PIK3CB: variants seen among roughly 807,000 people sequenced by gnomAD.
PIK3CB encodes the protein phosphatidylinositol-4,5-bisphosphate 3-kinase catalytic subunit beta.
PIK3CB carries 39 observed loss-of-function variants against 136.8 expected under a neutral mutation model. The ratio of observed to expected loss-of-function variants is 0.29; its 90% confidence interval spans 0.22 to 0.37. The LOEUF is 0.37. Ranked by LOEUF, PIK3CB falls within the 10% of genes least tolerant of loss-of-function variation. The probability of loss-of-function intolerance (pLI) is 1.00; values close to 1 mark genes in which losing one functional copy is unlikely to be tolerated. For synonymous variants in PIK3CB, 428 were observed against 436.6 expected, an observed-to-expected ratio of 0.98 and a Z score of 0.25; for missense variants, 868 against 1,275.4, an observed-to-expected ratio of 0.68 and a Z score of 4.87.
chr3:138,747,647 T>C (rs941477184), intron 4 of PIK3CB, among the ~76,000 whole-genome samples: 10 of 152,186 alleles, frequency 6.6e-5, no homozygotes, highest in African/African-American at 2.2e-4. Flanking sequence ...CTTTTTATAA[T>C]AGATTTATGT....
chr3:138,733,009 T>A (rs1408355417), intron 8 of PIK3CB, among the ~76,000 whole-genome samples: 2 of 151,378 alleles, frequency 1.3e-5, no homozygotes, highest in Middle Eastern at 6.4e-3. Flanking sequence ...CCAAGATAAC[T>A]CTACTTTGCA....
chr3:138,808,859 A>T lies in PIK3CB; in HGVS notation c.-121-12292T>A, dbSNP rs1340532663. On this transcript the variant is annotated intron_variant, in intron 1 of 23. Transcript: ENST00000674063. ...TATAACATATACTAATACATTTTAT[A>T]TATTTAAAAGTATTTATTTCTGCTG... Among the ~76,000 whole-genome samples, 3 of 151,828 alleles carry T rather than the reference A, an allele frequency of 2.0e-5. No individual in the cohort carries two copies. In the East Asian group the frequency reaches 5.8e-4, roughly 29 times the overall value.
At chr3:138,728,835 G>A (rs2044902466) in intron 8 of PIK3CB, among the ~76,000 whole-genome samples, 2 of 151,436 alleles carry the variant, frequency 1.3e-5, no homozygotes, top group Admixed American at 6.6e-5. Flanking sequence ...CTCAAAAAAT[G>A]CAGAAAAAGT....
intron 1 of PIK3CB, among the ~76,000 whole-genome samples, chr3:138,832,688 G>A (rs1226194764): frequency 6.6e-6 from 1 of 152,042 alleles, no homozygotes; most frequent in Non-Finnish European, 1.5e-5. Context: ...AATTAGCCGC[G>A]TGTGGTGGCA....
At chr3:138,825,838 G>A in intron 1 of PIK3CB, 1 of 1,219,146 alleles carries the variant, frequency 8.2e-7, no homozygotes, top group Non-Finnish European at 1.2e-6. Flanking sequence ...ATGAAGCTTT[G>A]GGTGAAGCTC....
chr3:138,737,862 G>T lies in PIK3CB; in HGVS notation c.646C>A (p.Pro216Thr). 6.2e-7 allele frequency: 1 copy of T among 1,602,678 alleles called. No homozygotes were observed. Among genetic ancestry groups the T allele is most frequent in the Non-Finnish European group, 8.5e-7 (1 of 1,173,904 alleles). ...CQDVFSFQVS[P>T]NMNPIKVNEL... is the part of the protein sequence containing the mutation. ...TTTACTTTGATAGGATTCATATTAG[G>T]AGACACTTGAAAGCTAAACACGTCC... Residue 216 changes from proline (P) to threonine (T), a missense_variant, in exon 6 of 24, where the codon CCT becomes ACT. Around this residue, in one of 4 missense-constraint regions of PIK3CB, gnomAD observed 612 missense variants for 801.1 expected, o/e 0.76. Coordinates refer to ENST00000674063, the MANE Select transcript of PIK3CB (RefSeq NM_006219.3).
chr3:138,711,256 C>T (rs996338558), intron 10 of PIK3CB, among the ~76,000 whole-genome samples: 6 of 150,070 alleles, frequency 4.0e-5, no homozygotes, highest in Non-Finnish European at 8.9e-5. Context: ...ATGCTGAAAG[C>T]AACACACATT....
intron 14 of PIK3CB, 48 bp downstream of exon 14, chr3:138,694,738 C>T (rs1436039066): frequency 6.3e-7 from 1 of 1,596,640 alleles, no homozygotes; most frequent in Admixed American, 1.7e-5. Context: ...CATCCCAAAC[C>T]CACCCAAGTT....
intron 5 of PIK3CB, among the ~76,000 whole-genome samples, chr3:138,741,654 C>T (rs11709841): frequency 0.15 from 22,450 of 151,900 alleles, 2,228 homozygotes; most frequent in Non-Finnish European, 0.23. Flanking sequence ...ATGATGAAAC[C>T]CCATCTCTAC....
chr3:138,707,376 A>C, intron 10 of PIK3CB, 87 bp from the exon 11 acceptor site: 2 of 1,473,830 alleles, frequency 1.4e-6, no homozygotes, highest in South Asian at 2.9e-5. Context: ...TCCCATGAAA[A>C]TCACCTTAGA....
At chr3:138,812,047 T>C (rs1933088604) in intron 1 of PIK3CB, among the ~76,000 whole-genome samples, 1 of 152,068 alleles carries the variant, frequency 6.6e-6, no homozygotes, top group Non-Finnish European at 1.5e-5. Flanking sequence ...GTTATGATCG[T>C]ACCACTATGC....
chr3:138,826,641 A>C (rs531174125), intron 1 of PIK3CB, among the ~76,000 whole-genome samples: 1 of 152,174 alleles, frequency 6.6e-6, no homozygotes, highest in East Asian at 1.9e-4. Flanking sequence ...ATGAGAAAAA[A>C]AAAAAAGATA....
intron 1 of PIK3CB, chr3:138,825,505 G>A (rs1559893500): frequency 1.5e-6 from 1 of 684,492 alleles, no homozygotes; most frequent in South Asian, 1.7e-5. Flanking sequence ...CCCCGACACA[G>A]TAGCATTTGT....
At chr3:138,764,258 G>T (rs915147041) in intron 2 of PIK3CB, among the ~76,000 whole-genome samples, 1 of 149,036 alleles carries the variant, frequency 6.7e-6, no homozygotes, top group Admixed American at 6.7e-5. Context: ...AGACCAGCCT[G>T]GGCTACATAG....
chr3:138,819,327 A>G (rs1933461401), intron 1 of PIK3CB, among the ~76,000 whole-genome samples: 1 of 151,984 alleles, frequency 6.6e-6, no homozygotes, highest in Admixed American at 6.6e-5. Context: ...AGCCTGGGCG[A>G]CAGAGTGAGA....
rs984717567 is a variant in PIK3CB, at chr3:138,798,943, A to T, written c.-121-2376T>A. Among the ~76,000 whole-genome samples, 4 of 151,768 alleles carry T rather than the reference A, an allele frequency of 2.6e-5. No homozygotes were observed. In the Admixed American group the frequency reaches 2.6e-4, roughly 10 times the overall value. ...CATGTCTCTTCTGAACAAAAGCCTCACCAAGCCAGGCACAGAGATGTAAGC... is the reference window on the plus strand; with the variant it reads ...CATGTCTCTTCTGAACAAAAGCCTCTCCAAGCCAGGCACAGAGATGTAAGC... On this transcript the variant is annotated intron_variant, in intron 1 of 23. Coordinates refer to ENST00000674063, the MANE Select transcript of PIK3CB (RefSeq NM_006219.3).
At chr3:138,662,703 G>A (rs1209021587) in intron 21 of PIK3CB, among the ~76,000 whole-genome samples, 1 of 151,554 alleles carries the variant, frequency 6.6e-6, no homozygotes, top group Non-Finnish European at 1.5e-5. Context: ...TTCCACAATG[G>A]TTGAACTAGT....
intron 2 of PIK3CB, among the ~76,000 whole-genome samples, chr3:138,788,888 C>T (rs566422441): frequency 3.8e-4 from 53 of 138,744 alleles, no homozygotes; most frequent in South Asian, 1.9e-3. Context: ...CGCTTGAACC[C>T]GGGAGGCGGA....
chr3:138,705,200 A>AAAAAAAAAAAAAAAAAT (rs2044353746), intron 11 of PIK3CB, among the ~76,000 whole-genome samples: 1 of 144,168 alleles, frequency 6.9e-6, no homozygotes, highest in Non-Finnish European at 1.5e-5. Flanking sequence ...CAAAAAAAAA[A>AAAAAAAAAAAAAAAAAT]ACTTATATTT....
Sources: allele counts gnomAD v4.1 joint callset (sites outside exome capture counted in the v4.1 genomes callset), GRCh38; gene constraint gnomAD v4.1.1; regional missense constraint gnomAD v4.1.1; transcripts MANE v1.5; gene names NCBI Gene and HGNC (gene_info 2026-07-23, HGNC 2026-07-21).